Variants in TAFA4 observed in about 807,000 individuals in gnomAD.
TAFA4 encodes chemokine-like protein TAFA-4.
Under a neutral mutation model 21.1 loss-of-function variants are expected in TAFA4, and 20 were observed. The observed-to-expected ratio is 0.95, with a 90% CI of 0.67 to 1.38. TAFA4 has a LOEUF of 1.38. Ranked by LOEUF, TAFA4 falls within the 40% of genes most tolerant of loss-of-function variation. TAFA4 has a pLI of 0.00. For missense variants in TAFA4, 211 were observed against 180.9 expected (o/e 1.17, Z -0.95); for synonymous variants, 71 against 67.4 (o/e 1.05, Z -0.26).
intron 3 of TAFA4, among the ~76,000 whole-genome samples, chr3:68,865,898 C>T (rs1054714080): frequency 1.5e-4 from 23 of 152,064 alleles, no homozygotes; most frequent in African/African-American, 5.6e-4. Flanking sequence ...TTTCTATCTG[C>T]AATGCACCTC....
chr3:68,813,622 G>C (rs529297220), intron 3 of TAFA4, among the ~76,000 whole-genome samples: 1 of 152,292 alleles, frequency 6.6e-6, no homozygotes, highest in African/African-American at 2.4e-5. Flanking sequence ...CCAGGAAGAA[G>C]TTGAATGTCT....
intron 1 of TAFA4, among the ~76,000 whole-genome samples, chr3:68,890,928 T>C (rs759280906): frequency 1.1e-4 from 17 of 152,212 alleles, no homozygotes; most frequent in Non-Finnish European, 2.4e-4. Flanking sequence ...TAAATAAATA[T>C]TGCCTCATCT....
chr3:68,783,723 AAGAAAG>A (rs1703196181), intron 3 of TAFA4, among the ~76,000 whole-genome samples: 3 of 148,018 alleles, frequency 2.0e-5, no homozygotes, highest in Admixed American at 6.7e-5. Context: ...AAAAGAAAGA[AAGAAAG>A]AAAGAAAGAA....
At chr3:68,753,483 G>A (rs940925968) in intron 3 of TAFA4, among the ~76,000 whole-genome samples, 8 of 151,984 alleles carry the variant, frequency 5.3e-5, no homozygotes, top group Non-Finnish European at 1.0e-4. Flanking sequence ...TTACAGGTGT[G>A]TGCCACCATG....
intron 3 of TAFA4, among the ~76,000 whole-genome samples, chr3:68,775,796 C>T (rs1351027569): frequency 6.6e-6 from 1 of 152,116 alleles, no homozygotes; most frequent in Admixed American, 6.6e-5. Flanking sequence ...TGACCCAACT[C>T]CTGGCCTGAT....
At chr3:68,736,940 G>A (rs934453123) in intron 5 of TAFA4, among the ~76,000 whole-genome samples, 2 of 152,076 alleles carry the variant, frequency 1.3e-5, no homozygotes, top group Non-Finnish European at 2.9e-5. Context: ...ACTTTTCGAA[G>A]TGCTAAATGA....
chr3:68,896,576 C>T (rs1207199511), intron 1 of TAFA4, among the ~76,000 whole-genome samples: 1 of 152,222 alleles, frequency 6.6e-6, no homozygotes, highest in African/African-American at 2.4e-5. Context: ...ATGTCTGTCT[C>T]ATGGGCAAAT....
At chr3:68,780,182 G>A (rs188324433) in intron 3 of TAFA4, among the ~76,000 whole-genome samples, 1 of 152,334 alleles carries the variant, frequency 6.6e-6, no homozygotes, top group East Asian at 1.9e-4. Flanking sequence ...TACCCCCATT[G>A]TATATAGGAA....
chr3:68,794,755 T>G (rs1703423504), intron 3 of TAFA4, among the ~76,000 whole-genome samples: 1 of 152,124 alleles, frequency 6.6e-6, no homozygotes, highest in Non-Finnish European at 1.5e-5. Flanking sequence ...TCAGAAAGCA[T>G]GATGCAGCAC....
chr3:68,766,299 G>A (rs1271483354), intron 3 of TAFA4, among the ~76,000 whole-genome samples: 2 of 151,916 alleles, frequency 1.3e-5, no homozygotes, highest in Non-Finnish European at 2.9e-5. Flanking sequence ...ATCTCATTAA[G>A]TCTTTGATAA....
At chr3:68,836,803 G>A (rs1034207986) in intron 3 of TAFA4, among the ~76,000 whole-genome samples, 3 of 150,378 alleles carry the variant, frequency 2.0e-5, no homozygotes, top group Non-Finnish European at 4.4e-5. Context: ...TTCAAGTCCT[G>A]ACTATGCTAC....
chr3:68,821,881 T>C (rs1704120052), intron 3 of TAFA4, among the ~76,000 whole-genome samples: 1 of 152,216 alleles, frequency 6.6e-6, no homozygotes, highest in Admixed American at 6.5e-5. Context: ...CTGTCTTCTA[T>C]TTAAAGACTG....
chr3:68,850,731 T>TG (rs1704924189), intron 3 of TAFA4, among the ~76,000 whole-genome samples: 1 of 45,286 alleles, frequency 2.2e-5, no homozygotes. Flanking sequence ...TTTAACAGGG[T>TG]TTTTTTTTTC....
chr3:68,824,430 A>G (rs921867741), intron 3 of TAFA4, among the ~76,000 whole-genome samples: 4 of 149,716 alleles, frequency 2.7e-5, no homozygotes, highest in Admixed American at 2.0e-4. Context: ...CATCACTCCG[A>G]CCTCCGTTTC....
chr3:68,872,928 G>A lies in TAFA4; in HGVS notation c.130+7802C>T, dbSNP rs549169158. 2.9e-3 allele frequency among the ~76,000 whole-genome samples: 439 copies of A among 152,142 alleles called. 2 individuals are homozygous for A. The highest frequency in any genetic ancestry group is 4.2e-3 in the Non-Finnish European group (285 of 67,994). ...TTCATGTTAAATAAATGCTTCCAAA[G>A]CACTTGACGATTTTTTAAGATAACG... On this transcript the variant is annotated intron_variant, in intron 3 of 5. Coordinates refer to ENST00000295569, the MANE Select transcript of TAFA4 (RefSeq NM_182522.5).
At chr3:68,930,914 T>C (rs1208541579) in intron 1 of TAFA4, among the ~76,000 whole-genome samples, 1 of 152,218 alleles carries the variant, frequency 6.6e-6, no homozygotes, top group Admixed American at 6.5e-5. Flanking sequence ...TAAATTATTT[T>C]AGCCTTTAAA....
intron 3 of TAFA4, among the ~76,000 whole-genome samples, chr3:68,757,022 G>A (rs1005684044): frequency 6.6e-6 from 1 of 152,122 alleles, no homozygotes; most frequent in African/African-American, 2.4e-5. Context: ...GGGCCAGGAT[G>A]ATCCTTTCAC....
At chr3:68,840,650 C>T (rs1559539533) in intron 3 of TAFA4, among the ~76,000 whole-genome samples, 1 of 152,138 alleles carries the variant, frequency 6.6e-6, no homozygotes, top group South Asian at 2.1e-4. Flanking sequence ...CAGAAGCTGG[C>T]TGATGACATT....
Position 68,873,337 on chromosome 3 carries a change from T to TACACACACACACACACACACACAC in TAFA4, c.130+7369_130+7392dup, listed in dbSNP as rs34998311. 4.8e-3 allele frequency among the ~76,000 whole-genome samples: 639 copies of TACACACACACACACACACACACAC among 133,482 alleles called. 22 individuals are homozygous for TACACACACACACACACACACACAC. The highest frequency in any genetic ancestry group is 0.02 in the East Asian group (72 of 3,550). 87.6% of individuals were successfully genotyped at this position (133,482 alleles called of 152,430 possible). On this transcript the variant is annotated intron_variant, in intron 3 of 5. Transcript: ENST00000295569. Reference sequence around the variant, plus strand: ...CACAACAGACAGACACACGCAGACATACACACACACACACACACACACACA... The same window carrying TACACACACACACACACACACACAC: ...CACAACAGACAGACACACGCAGACATACACACACACACACACACACACACACACACACACACACACACACACACA...
Sources: allele counts gnomAD v4.1 joint callset (sites outside exome capture counted in the v4.1 genomes callset), GRCh38; gene constraint gnomAD v4.1.1; transcripts MANE v1.5; gene names NCBI Gene and HGNC (gene_info 2026-07-23, HGNC 2026-07-21).